NDRG4: variants seen among roughly 807,000 people sequenced by gnomAD.
NDRG4 encodes the protein NDRG family member 4, also known as protein NDRG4.
A neutral mutation model predicts 55.8 loss-of-function variants in NDRG4; 38 were observed. That is an observed-to-expected ratio of 0.68 (90% CI 0.53 to 0.89). NDRG4 has a LOEUF of 0.89. Ranked by LOEUF, NDRG4 falls within the 40% of genes least tolerant of loss-of-function variation. NDRG4 has a pLI of 0.00. For missense variants in NDRG4, 455 were observed against 468.6 expected, an observed-to-expected ratio of 0.97 and a Z score of 0.27; for synonymous variants, 190 against 182.7, an observed-to-expected ratio of 1.04 and a Z score of -0.32.
intron 1 of NDRG4, among the ~76,000 whole-genome samples, chr16:58,481,725 A>C (rs1315477718): frequency 6.6e-6 from 1 of 152,096 alleles, no homozygotes; most frequent in African/African-American, 2.4e-5. Flanking sequence ...GAGGACTTGC[A>C]CCAGTCAGTT....
chr16:58,480,882 C>T (rs2034301900), intron 1 of NDRG4, among the ~76,000 whole-genome samples: 1 of 152,042 alleles, frequency 6.6e-6, no homozygotes, highest in Non-Finnish European at 1.5e-5. Flanking sequence ...GTGGCAGAAG[C>T]CTGTAATCCC....
In NDRG4 at chr16:58,506,485, G is replaced by T. The variant is rs775670413; in HGVS notation, c.459+12G>T. On this transcript the variant is annotated intron_variant, in intron 6 of 14. Transcript: ENST00000570248. ...GGGCTGCCACCAAGGTGTGTGTGGT[G>T]ACCGGGGGTGGGGTGGGTATACCTA... 1 of 1,597,910 alleles carries T rather than the reference G, an allele frequency of 6.3e-7. No individual in the cohort carries two copies. Among genetic ancestry groups the T allele is most frequent in the Non-Finnish European group, 8.5e-7 (1 of 1,170,546 alleles).
At chr16:58,509,476 T>G (rs1043321492) in intron 13 of NDRG4, 124 bp downstream of exon 13, 19 of 1,033,958 alleles carry the variant, frequency 1.8e-5, no homozygotes, top group Non-Finnish European at 2.7e-5. Context: ...CCCATAAGCA[T>G]AGGAGTTTTG....
intron 2 of NDRG4, among the ~76,000 whole-genome samples, chr16:58,492,845 G>A (rs1016214009): frequency 1.3e-5 from 2 of 152,030 alleles, no homozygotes; most frequent in Non-Finnish European, 2.9e-5. Flanking sequence ...TTGAGTGAGA[G>A]ATTCATGATC....
Position 58,464,551 on chromosome 16 carries a change from T to C in NDRG4, c.-24+754T>C. 2 of 1,227,262 alleles carry C rather than the reference T, an allele frequency of 1.6e-6. No homozygotes were observed. The highest frequency in any genetic ancestry group is 2.1e-6 in the Non-Finnish European group (2 of 961,532). 76.0% of individuals were successfully genotyped at this position (1,227,262 alleles called of 1,614,324 possible). On this transcript the variant is annotated intron_variant, in intron 1 of 15. Transcript: ENST00000258187. This position sits in a 1 kb window ranked among gnomAD's most constrained non-coding sequence, Gnocchi z 4.8. ...CGCGGCGGCCGGGGACTGGGGCGGCTCGGGTCTGAGCAGGAAGGGGTGCGG... is the reference window on the plus strand; with the variant it reads ...CGCGGCGGCCGGGGACTGGGGCGGCCCGGGTCTGAGCAGGAAGGGGTGCGG...
intron 1 of NDRG4, among the ~76,000 whole-genome samples, chr16:58,469,232 C>T (rs2032311236): frequency 1.3e-5 from 2 of 152,036 alleles, no homozygotes; most frequent in Non-Finnish European, 2.9e-5. Flanking sequence ...GAAAGCAGGA[C>T]CCTGGATCCT....
chr16:58,510,466 G>A (rs1454894134), intron 13 of NDRG4, among the ~76,000 whole-genome samples, 179 bp from the exon 14 acceptor site: 1 of 152,152 alleles, frequency 6.6e-6, no homozygotes, highest in African/African-American at 2.4e-5. Context: ...GCCACTGCTG[G>A]GTGGGCAGGC....
chr16:58,465,285 G>A lies in NDRG4; in HGVS notation c.-24+1488G>A, dbSNP rs111944345. The stretch of plus-strand genomic sequence containing the variant: ...GAGGGGGCTGATCACTGCCTTCCAG[G>A]ACCTTAATGTCCGATGAGGGAGCAG... On this transcript the variant is annotated intron_variant, in intron 1 of 15. Coordinates refer to the NDRG4 transcript ENST00000258187. 653 of 473,488 alleles carry A rather than the reference G, an allele frequency of 1.4e-3. 7 individuals are homozygous for A. The highest frequency in any genetic ancestry group is 0.011 in the African/African-American group (549 of 50,502). The allele number at this position is 473,488 out of a possible 1,614,324, so 29.3% of individuals were successfully genotyped here. A position where few individuals can be genotyped will look rare whatever the true frequency, so the allele number is the denominator to read the frequency against.
In NDRG4 at chr16:58,464,659, C is replaced by G. The variant is rs1054374569; in HGVS notation, c.-24+862C>G. ...AGAGGACTTGAGGTTGTGGCGAGTC[C>G]CTGGCGCTGGCGTCCGGGCTGCGGG... On this transcript the variant is annotated intron_variant, in intron 1 of 15. Coordinates refer to the NDRG4 transcript ENST00000258187. The surrounding 1 kb of genome is among the most constrained non-coding windows in gnomAD (Gnocchi z 4.8). The G allele has an allele frequency of 4.1e-5, 42 of 1,016,504 alleles. No homozygotes were observed. The highest frequency in any genetic ancestry group is 2.2e-4 in the African/African-American group (13 of 59,444). The allele number at this position is 1,016,504 out of a possible 1,614,324, so 63.0% of individuals were successfully genotyped here.
At chr16:58,494,592 G>A (rs535549875) in intron 2 of NDRG4, among the ~76,000 whole-genome samples, 2 of 152,240 alleles carry the variant, frequency 1.3e-5, no homozygotes, top group South Asian at 2.1e-4. Flanking sequence ...TAATGAGGAC[G>A]CTCACACGCT....
At chr16:58,500,507 C>T (rs1244446450) in intron 1 of NDRG4, 4 of 403,132 alleles carry the variant, frequency 9.9e-6, no homozygotes, top group South Asian at 7.6e-5. Context: ...CTGGGGGGAG[C>T]GTGTGGTTGG....
At chr16:58,470,334 G>C (rs752674329) in intron 1 of NDRG4, among the ~76,000 whole-genome samples, 12 of 152,214 alleles carry the variant, frequency 7.9e-5, no homozygotes, top group Non-Finnish European at 1.6e-4. Flanking sequence ...GCCAGGAGGA[G>C]GAGTGGTTCA....
chr16:58,478,981 T>C (rs1373631028), intron 1 of NDRG4, among the ~76,000 whole-genome samples: 1 of 152,128 alleles, frequency 6.6e-6, no homozygotes, highest in Non-Finnish European at 1.5e-5. Flanking sequence ...TTTTTGGAAG[T>C]TGCCAATATA....
chr16:58,467,380 G>A (rs1045338700), intron 1 of NDRG4, among the ~76,000 whole-genome samples: 13 of 152,118 alleles, frequency 8.5e-5, no homozygotes, highest in South Asian at 2.1e-4. Flanking sequence ...GGTGGCGCAC[G>A]CCTGTAGTCC....
At chr16:58,484,092 T>G (rs2034789237) in intron 1 of NDRG4, among the ~76,000 whole-genome samples, 1 of 151,530 alleles carries the variant, frequency 6.6e-6, no homozygotes, top group East Asian at 2.0e-4. Flanking sequence ...CAAGACCCTG[T>G]CTCTGAACAA....
At chr16:58,514,465 G>A (rs371229193), downstream of NDRG4, among the ~76,000 whole-genome samples, 151 of 151,744 alleles carry the variant, frequency 1.0e-3, no homozygotes, top group African/African-American at 3.6e-3. Flanking sequence ...GGCCGCGCGC[G>A]GTGGCTCACG....
At chr16:58,503,764 G>T (rs773095063) in intron 1 of NDRG4, 34 bp from the exon 2 acceptor site, 2 of 1,613,084 alleles carry the variant, frequency 1.2e-6, no homozygotes, top group Non-Finnish European at 1.7e-6. Context: ...AGCGGAGGCT[G>T]CCCAGAGTGT....
chr16:58,469,262 T>G (rs1444259532), intron 1 of NDRG4, among the ~76,000 whole-genome samples: 6 of 152,048 alleles, frequency 3.9e-5, no homozygotes, highest in Non-Finnish European at 7.4e-5. Flanking sequence ...TTCATCTGCT[T>G]CTCCGCTTCA....
intron 1 of NDRG4, among the ~76,000 whole-genome samples, chr16:58,482,719 C>T (rs60824294): frequency 0.012 from 1,276 of 103,924 alleles, 8 homozygotes; most frequent in African/African-American, 0.037. Context: ...TTTCCTTCCT[C>T]CCTCCCTCCC....
Sources: gnomAD v4.1 joint callset for allele counts (sites outside exome capture counted in the v4.1 genomes callset) on GRCh38, gnomAD v4.1.1 for gene constraint, Gnocchi (gnomAD v3.1) non-coding constraint, MANE v1.5 for transcripts, NCBI Gene and HGNC (gene_info 2026-07-23, HGNC 2026-07-21) for gene names.